STK33: variants seen among roughly 807,000 people sequenced by gnomAD.
STK33 encodes serine/threonine kinase 33.
A neutral mutation model predicts 58.0 loss-of-function variants in STK33; 52 were observed. The ratio of observed to expected loss-of-function variants is 0.90; its 90% confidence interval spans 0.72 to 1.13. The LOEUF (loss-of-function observed/expected upper bound fraction) is 1.13, where lower values mean the gene tolerates loss of function less well. Ranked by LOEUF, STK33 falls within the 50% of genes most tolerant of loss-of-function variation. The pLI is 0.00. For synonymous variants in STK33, 215 were observed against 200.1 expected (o/e 1.07, Z -0.63); for missense variants, 630 against 604.2 (o/e 1.04, Z -0.45).
At chr11:8,369,797 A>G in the STK33 span, among the ~76,000 whole-genome samples, 1 of 152,364 alleles carries the variant, frequency 6.6e-6, no homozygotes, top group Non-Finnish European at 1.5e-5. Flanking sequence ...GTTGCTGTGC[A>G]TGCCCTCTGC....
chr11:8,583,464 C>A (rs2141389094), intron 1 of STK33, among the ~76,000 whole-genome samples: 1 of 152,268 alleles, frequency 6.6e-6, no homozygotes, highest in East Asian at 1.9e-4. Context: ...GGGAGCAAGT[C>A]TTGACATGTA....
intron 1 of STK33, among the ~76,000 whole-genome samples, chr11:8,502,179 C>T (rs1291798201): frequency 3.3e-5 from 5 of 151,958 alleles, no homozygotes; most frequent in African/African-American, 9.7e-5. Flanking sequence ...AAAATTAAGT[C>T]GTCCCTAAAA....
intron 1 of STK33, among the ~76,000 whole-genome samples, chr11:8,481,079 T>C (rs1049998569): frequency 3.9e-5 from 6 of 152,064 alleles, no homozygotes; most frequent in Admixed American, 3.3e-4. Context: ...TCCAGGAAAC[T>C]AGGTAGTTAG....
At chr11:8,341,123 C>T in the STK33 span, among the ~76,000 whole-genome samples, 1 of 152,098 alleles carries the variant, frequency 6.6e-6, no homozygotes. Flanking sequence ...CTCCAAAGTG[C>T]TGGGATTACA....
chr11:8,556,266 G>A (rs1031093720), intron 1 of STK33, among the ~76,000 whole-genome samples: 8 of 152,158 alleles, frequency 5.3e-5, no homozygotes, highest in Non-Finnish European at 1.0e-4. Context: ...CATCAAAGTT[G>A]TGCTTTAGAA....
chr11:8,477,757 T>A (rs1219969651), intron 2 of STK33, among the ~76,000 whole-genome samples: 1 of 152,212 alleles, frequency 6.6e-6, no homozygotes, highest in Non-Finnish European at 1.5e-5. Flanking sequence ...TAAGTCATTA[T>A]CATATCACTG....
At position 8,516,855 on chromosome 11, in the gene STK33, C is replaced by T. The variant is rs1459198628; in HGVS notation, c.-465-36241G>A. ...CCTGGAAACTCAAACTGGATGGAGCCCACCACAGCTCAAGGAGGCCTGCCT... is the reference window on the plus strand; with the variant it reads ...CCTGGAAACTCAAACTGGATGGAGCTCACCACAGCTCAAGGAGGCCTGCCT... On this transcript the variant is annotated intron_variant, in intron 1 of 15. Coordinates refer to ENST00000687296, the MANE Select transcript of STK33 (RefSeq NM_001352389.2). 2.0e-5 allele frequency among the ~76,000 whole-genome samples: 3 copies of T among 152,086 alleles called. No individual in the cohort carries two copies. The East Asian group carries it at 5.8e-4, about 29-fold the overall frequency.
intron 1 of STK33, among the ~76,000 whole-genome samples, chr11:8,538,289 C>A (rs902268780): frequency 3.9e-5 from 6 of 152,072 alleles, no homozygotes; most frequent in African/African-American, 9.7e-5. Context: ...TTAATACTTA[C>A]AACAACTCTA....
At chr11:8,413,474 T>A in intron 15 of STK33, 21 bp downstream of exon 15, 1 of 1,612,650 alleles carries the variant, frequency 6.2e-7, no homozygotes, top group Admixed American at 1.7e-5. Flanking sequence ...TTGGGAGAAA[T>A]GCAGCAATGA....
intron 15 of STK33, 146 bp downstream of exon 15, chr11:8,413,349 T>C (rs1940601393): frequency 2.3e-6 from 2 of 884,156 alleles, no homozygotes; most frequent in Admixed American, 2.3e-5. Flanking sequence ...ATGCTAGCCT[T>C]ATAAGGCAGA....
intron 14 of STK33, among the ~76,000 whole-genome samples, chr11:8,422,119 T>C (rs1162259459): frequency 6.6e-6 from 1 of 152,196 alleles, no homozygotes; most frequent in Non-Finnish European, 1.5e-5. Flanking sequence ...CTATTCAGAA[T>C]GACATTTTCT....
At chr11:8,341,698 G>A in the STK33 span, among the ~76,000 whole-genome samples, 1 of 152,292 alleles carries the variant, frequency 6.6e-6, no homozygotes, top group Non-Finnish European at 1.5e-5. Flanking sequence ...CTGGAGGTTA[G>A]GAGAGCATGT....
chr11:8,522,937 G>A (rs971062034), intron 1 of STK33, among the ~76,000 whole-genome samples: 7 of 152,260 alleles, frequency 4.6e-5, no homozygotes, highest in South Asian at 2.1e-4. Flanking sequence ...GATTGCAGGC[G>A]CGCGCCACCA....
chr11:8,552,989 TAA>T (rs1252120241), intron 1 of STK33, among the ~76,000 whole-genome samples: 1 of 137,846 alleles, frequency 7.3e-6, no homozygotes. Context: ...TGTCTCCACA[TAA>T]AAAAAAAAAA....
intron 1 of STK33, among the ~76,000 whole-genome samples, chr11:8,573,650 T>C (rs887051047): frequency 7.2e-5 from 11 of 152,206 alleles, no homozygotes; most frequent in Non-Finnish European, 1.2e-4. Context: ...AGCAGCTTTA[T>C]CAGTAACCGT....
At chr11:8,368,248 C>A in the STK33 span, among the ~76,000 whole-genome samples, 1 of 152,208 alleles carries the variant, frequency 6.6e-6, no homozygotes, top group Non-Finnish European at 1.5e-5. Context: ...AAATGGGAGA[C>A]CCTAATCCCC....
chr11:8,493,192 G>C (rs1043387907), intron 1 of STK33, among the ~76,000 whole-genome samples: 1 of 151,898 alleles, frequency 6.6e-6, no homozygotes, highest in Non-Finnish European at 1.5e-5. Context: ...ACAATTGATG[G>C]ACCGCTAGCA....
the STK33 span, among the ~76,000 whole-genome samples, chr11:8,336,352 C>T: frequency 6.6e-6 from 1 of 152,204 alleles, no homozygotes; most frequent in African/African-American, 2.4e-5. Context: ...GGCAGCACAA[C>T]TAATAAAGCC....
intron 1 of STK33, among the ~76,000 whole-genome samples, chr11:8,572,797 A>T (rs1287336445): frequency 1.3e-5 from 2 of 152,144 alleles, no homozygotes; most frequent in Non-Finnish European, 2.9e-5. Context: ...AAAATGCAAT[A>T]GATAGAATTA....
Sources: gnomAD v4.1 joint callset for allele counts (sites outside exome capture counted in the v4.1 genomes callset) on GRCh38, gnomAD v4.1.1 for gene constraint, MANE v1.5 for transcripts, NCBI Gene and HGNC (gene_info 2026-07-23, HGNC 2026-07-21) for gene names.